Variants in PDLIM2 observed in about 807,000 individuals in gnomAD.
The protein encoded by PDLIM2 is PDZ and LIM domain protein 2.
A neutral mutation model predicts 54.1 loss-of-function variants in PDLIM2; 51 were observed. The observed-to-expected ratio is 0.94, with a 90% CI of 0.75 to 1.19. The LOEUF (loss-of-function observed/expected upper bound fraction) is 1.19. PDLIM2 is among the 50% of genes most tolerant of loss of function. PDLIM2 has a pLI of 0.00. For synonymous variants in PDLIM2, 398 were observed against 385.6 expected (o/e 1.03, Z -0.38); for missense variants, 912 against 874.0 (o/e 1.04, Z -0.55).
At chr8:22,583,826 A>T (rs189873041) in intron 3 of PDLIM2, among the ~76,000 whole-genome samples, 89 of 132,766 alleles carry the variant, frequency 6.7e-4, no homozygotes, top group African/African-American at 2.4e-3. Flanking sequence ...AGGCTGAGTG[A>T]TATCAGTGAC....
At chr8:22,583,854 GAAAAAAAAAAAAA>G (rs530039600) in intron 3 of PDLIM2, among the ~76,000 whole-genome samples, 64 of 79,120 alleles carry the variant, frequency 8.1e-4, no homozygotes, top group Middle Eastern at 6.9e-3. Context: ...AGGCAAAATA[GAAAAAAAAAAAAA>G]AAAAAAAAAA....
exon 5 of PDLIM2, chr8:22,585,072 G>T (rs946001727): frequency 1.2e-6 from 2 of 1,614,008 alleles, no homozygotes; most frequent in Non-Finnish European, 1.7e-6. Flanking sequence ...TCCTACTCCA[G>T]CCCAACCTCC....
intron 7 of PDLIM2, 95 bp from the exon 7 acceptor site, chr8:22,589,501 T>TC (rs1361545493): frequency 2.7e-6 from 4 of 1,503,228 alleles, no homozygotes; most frequent in Non-Finnish European, 3.6e-6. Context: ...CCCAGATTCC[T>TC]CCCCCTCCCC....
chr8:22,596,563 A>C (rs548705295), downstream of PDLIM2: 3 of 152,318 alleles, frequency 2.0e-5, no homozygotes, highest in South Asian at 2.1e-4. Context: ...CCTCTGCCGC[A>C]CGCCGCCCGT....
At chr8:22,586,194 C>A (rs1800377764) in intron 6 of PDLIM2, among the ~76,000 whole-genome samples, 1 of 152,182 alleles carries the variant, frequency 6.6e-6, no homozygotes, top group Admixed American at 6.5e-5. Flanking sequence ...AGGGAGGGCA[C>A]TAGAACCCAG....
intron 6 of PDLIM2, chr8:22,588,880 C>G (rs1800450038): frequency 4.2e-6 from 1 of 238,210 alleles, no homozygotes; most frequent in Non-Finnish European, 8.2e-6. Flanking sequence ...TCTATCTCCT[C>G]AGTGCAAAAG....
At chr8:22,593,841 C>A in exon 10 of PDLIM2, 3 of 1,585,058 alleles carry the variant, frequency 1.9e-6, no homozygotes, top group Non-Finnish European at 2.6e-6. Context: ...GGGTGGGTGA[C>A]GAGCTGTACT....
chr8:22,593,602 AAG>A (rs1800613621), intron 9 of PDLIM2, 129 bp from the exon 9 acceptor site: 48 of 597,720 alleles, frequency 8.0e-5, no homozygotes, highest in South Asian at 3.4e-4. Context: ...AAAAAAAAAA[AAG>A]TCTAGTCTCT....
chr8:22,584,934 T>C lies in PDLIM2; in HGVS notation c.1065+44T>C, dbSNP rs746211436. 14 of 1,613,688 alleles carry C rather than the reference T, an allele frequency of 8.7e-6. No individual in the cohort carries two copies. The South Asian group carries it at 1.4e-4, about 16-fold the overall frequency. ...CTGACAGCCTCAGCACCCTGATCAC[T>C]GGTGCATGAAAGTGAGGCCCGAGGG... On this transcript the variant is annotated intron_variant, in intron 4 of 9. Transcript: ENST00000308354.
intron 6 of PDLIM2, chr8:22,585,761 G>A (rs1800361818): frequency 8.0e-6 from 1 of 125,216 alleles, no homozygotes; most frequent in Non-Finnish European, 1.7e-5. Context: ...GTCTCTGGCT[G>A]CATCTCTCGA....
At position 22,591,343 on chromosome 8, in the gene PDLIM2, C is replaced by T. The variant is rs73672777; in HGVS notation, c.1514-208C>T. On this transcript the variant is annotated intron_variant, in intron 8 of 9. Coordinates refer to ENST00000308354, the Ensembl canonical transcript of PDLIM2. ...CCAGGTGGCCTTGGATGGGCAAACT[C>T]GGCCTTGTACCTGCCTCCTTCATGC... 5.3e-3 allele frequency: 3,177 copies of T among 597,020 alleles called. 61 individuals carry two copies. Among genetic ancestry groups the T allele is most frequent in the African/African-American group, 0.05 (2,711 of 53,940 alleles). The allele number at this position is 597,020 out of a possible 1,614,324, so 37.0% of individuals were successfully genotyped here. A position where few individuals can be genotyped will look rare whatever the true frequency, so the allele number is the denominator to read the frequency against.
chr8:22,580,804 G>GATCT (rs1359421766), intron 2 of PDLIM2, 107 bp downstream of exon 1: 6 of 1,206,324 alleles, frequency 5.0e-6, no homozygotes, highest in Non-Finnish European at 7.2e-6. Context: ...TGGAGCTAGG[G>GATCT]ATCTGCTGCT....
exon 3 of PDLIM2, chr8:22,581,520 C>A (rs763271065): frequency 2.1e-5 from 34 of 1,582,522 alleles, no homozygotes; most frequent in Non-Finnish European, 2.7e-5. Flanking sequence ...CCTGCGGCTG[C>A]AGCTGGACCG....
chr8:22,584,843 C>A, exon 4 of PDLIM2: 3 of 1,614,156 alleles, frequency 1.9e-6, no homozygotes, highest in Non-Finnish European at 2.5e-6. Context: ...GTCTCCAGGG[C>A]AGACCAATGG....
At chr8:22,593,819 G>A in exon 10 of PDLIM2, 6 of 1,600,172 alleles carry the variant, frequency 3.7e-6, no homozygotes, top group South Asian at 2.3e-5. Context: ...CTGAAGATGC[G>A]CGGGCACTTC....
At position 22,589,391 on chromosome 8, in the gene PDLIM2, G is replaced by T. The variant is rs952218172; in HGVS notation, c.1367+17G>T. The T allele has an allele frequency of 8.9e-5, 137 of 1,536,128 alleles. No homozygotes were observed. Among genetic ancestry groups the T allele is most frequent in the Non-Finnish European group, 1.1e-4 (128 of 1,146,050 alleles). ...CAGGCCCAGGTACCAGCAGGCCCCGGAGGGTCGGGTTGGGGTCTTGGAAGG... is the reference window on the plus strand; with the variant it reads ...CAGGCCCAGGTACCAGCAGGCCCCGTAGGGTCGGGTTGGGGTCTTGGAAGG... On this transcript the variant is annotated intron_variant, in intron 7 of 9. Coordinates refer to ENST00000308354, the Ensembl canonical transcript of PDLIM2.
chr8:22,580,818 T>A, intron 2 of PDLIM2, 121 bp downstream of exon 1: 1 of 1,097,926 alleles, frequency 9.1e-7, no homozygotes, highest in Non-Finnish European at 1.4e-6. Flanking sequence ...TGCTGCTGCC[T>A]GGCGTGCTGG....
intron 1 of PDLIM2, chr8:22,579,574 T>G (rs2117332933): frequency 7.0e-7 from 1 of 1,425,018 alleles, no homozygotes; most frequent in Non-Finnish European, 9.2e-7. Flanking sequence ...GGGACTGGGG[T>G]GGGGGCGGTG....
intron 6 of PDLIM2, chr8:22,585,635 A>ACC (rs1800353016): frequency 2.6e-5 from 3 of 116,120 alleles, no homozygotes; most frequent in Non-Finnish European, 2.9e-5. Flanking sequence ...CATCTCCTGC[A>ACC]CCCCTCCCCT....
Sources: allele counts gnomAD v4.1 joint callset (sites outside exome capture counted in the v4.1 genomes callset), GRCh38; gene constraint gnomAD v4.1.1; transcripts MANE v1.5; gene names NCBI Gene and HGNC (gene_info 2026-07-23, HGNC 2026-07-21).